The following RPS6KC1 variants were observed in gnomAD, a reference collection of about 807,000 sequenced individuals.
RPS6KC1 encodes the protein ribosomal protein S6 kinase C1, also known as inactive ribosomal protein S6 kinase delta-1.
RPS6KC1 carries 54 observed loss-of-function variants against 103.8 expected under a neutral mutation model. The observed-to-expected ratio is 0.52, with a 90% CI of 0.42 to 0.65. The LOEUF is 0.65. Ranked by LOEUF, RPS6KC1 falls within the 30% of genes least tolerant of loss-of-function variation. The pLI is 0.00. For missense variants in RPS6KC1, 1,151 were observed against 1,253.8 expected (o/e 0.92, Z 1.24); for synonymous variants, 439 against 438.7 (o/e 1.00, Z -0.01).
At chr1:213,561,066 G>C in the RPS6KC1 span, among the ~76,000 whole-genome samples, 2 of 152,214 alleles carry the variant, frequency 1.3e-5, no homozygotes, top group East Asian at 3.9e-4. Flanking sequence ...CAATGAAAGA[G>C]AGGTTAGTTG....
At chr1:213,822,799 C>T in the RPS6KC1 span, among the ~76,000 whole-genome samples, 2 of 152,194 alleles carry the variant, frequency 1.3e-5, no homozygotes, top group African/African-American at 4.8e-5. Context: ...TGTCTTTGCT[C>T]TTATCATCCT....
the RPS6KC1 span, among the ~76,000 whole-genome samples, chr1:213,496,150 A>G: frequency 6.6e-6 from 1 of 152,228 alleles, no homozygotes. Flanking sequence ...TGAAATATAT[A>G]ACAAATATTA....
intron 12 of RPS6KC1, among the ~76,000 whole-genome samples, chr1:213,252,756 C>T (rs1311970789): frequency 6.6e-6 from 1 of 152,064 alleles, no homozygotes; most frequent in Non-Finnish European, 1.5e-5. Context: ...TTATCTTTCA[C>T]CTTCTTCCCT....
At chr1:213,363,759 C>T in the RPS6KC1 span, among the ~76,000 whole-genome samples, 7 of 56,592 alleles carry the variant, frequency 1.2e-4, 1 homozygote, top group Admixed American at 6.4e-4. Context: ...CTCTTTCTCT[C>T]TTCTTTCTTT....
Position 213,062,213 on chromosome 1 carries a change from C to T in RPS6KC1, c.106-8793C>T, listed in dbSNP as rs1314441408. On this transcript the variant is annotated intron_variant, in intron 1 of 14. Coordinates refer to ENST00000366960, the MANE Select transcript of RPS6KC1 (RefSeq NM_012424.6). Reference sequence around the variant, plus strand: ...ATGATGCTACAGGTATAAAATTTCACACTTGACCTCATGTGATAGGTTGCA... The same window carrying T: ...ATGATGCTACAGGTATAAAATTTCATACTTGACCTCATGTGATAGGTTGCA... Among the ~76,000 whole-genome samples, 2 of 152,172 alleles carry T rather than the reference C, an allele frequency of 1.3e-5. 1 individual carries two copies. Among genetic ancestry groups the T allele is most frequent in the Admixed American group, 1.3e-4 (2 of 15,284 alleles).
the RPS6KC1 span, among the ~76,000 whole-genome samples, chr1:213,696,600 T>G: frequency 3.0e-4 from 46 of 152,074 alleles, no homozygotes; most frequent in Non-Finnish European, 6.0e-4. Flanking sequence ...GTCCAGTCTG[T>G]GACTTATTTA....
chr1:213,861,637 A>G, the RPS6KC1 span, among the ~76,000 whole-genome samples: 2 of 152,196 alleles, frequency 1.3e-5, no homozygotes, highest in African/African-American at 4.8e-5. Flanking sequence ...TTTACAGCTG[A>G]ATATGCATTT....
At chr1:213,673,416 A>G in the RPS6KC1 span, among the ~76,000 whole-genome samples, 37 of 152,260 alleles carry the variant, frequency 2.4e-4, no homozygotes, top group Admixed American at 3.9e-4. Context: ...TTTGTCAGCC[A>G]GATGTACAGA....
chr1:213,054,179 C>T (rs2077161096), intron 1 of RPS6KC1, among the ~76,000 whole-genome samples: 1 of 152,154 alleles, frequency 6.6e-6, no homozygotes, highest in East Asian at 1.9e-4. Context: ...ATTTACTGAG[C>T]TAAGTTTTGA....
chr1:213,649,242 C>T, the RPS6KC1 span, among the ~76,000 whole-genome samples: 4 of 143,130 alleles, frequency 2.8e-5, no homozygotes, highest in African/African-American at 7.9e-5. Context: ...CCTATGAGTA[C>T]GTTCAAGTCT....
chr1:213,581,028 G>T, the RPS6KC1 span, among the ~76,000 whole-genome samples: 2 of 152,028 alleles, frequency 1.3e-5, no homozygotes, highest in African/African-American at 4.8e-5. Flanking sequence ...AGGGACCTGA[G>T]CGTATTTTGT....
chr1:213,183,469 C>A (rs1309615833), intron 8 of RPS6KC1, among the ~76,000 whole-genome samples: 1 of 151,804 alleles, frequency 6.6e-6, no homozygotes, highest in Non-Finnish European at 1.5e-5. Context: ...ATGTCTGAAT[C>A]AAATTATTAA....
At chr1:213,814,632 C>T in the RPS6KC1 span, among the ~76,000 whole-genome samples, 2 of 152,182 alleles carry the variant, frequency 1.3e-5, no homozygotes, top group Non-Finnish European at 2.9e-5. Flanking sequence ...TGTCACTAAC[C>T]ATTCACTGAA....
chr1:213,523,587 C>T, the RPS6KC1 span, among the ~76,000 whole-genome samples: 1 of 152,172 alleles, frequency 6.6e-6, no homozygotes. Context: ...GCCCAGAACA[C>T]AGGGTCAATA....
the RPS6KC1 span, among the ~76,000 whole-genome samples, chr1:213,658,167 A>G: frequency 2.0e-5 from 3 of 152,228 alleles, no homozygotes; most frequent in African/African-American, 4.8e-5. Context: ...AGAGTCAGAT[A>G]TGAGTGGTGT....
At chr1:213,232,379 C>A in intron 10 of RPS6KC1, 124 bp downstream of exon 10, 1 of 1,208,500 alleles carries the variant, frequency 8.3e-7, no homozygotes, top group Non-Finnish European at 1.2e-6. Context: ...ATTTCCTATT[C>A]CTCTGCTCTA....
At chr1:213,639,057 C>G in the RPS6KC1 span, among the ~76,000 whole-genome samples, 1 of 152,074 alleles carries the variant, frequency 6.6e-6, no homozygotes, top group East Asian at 1.9e-4. Flanking sequence ...CATATATACT[C>G]TGTATATGTT....
chr1:213,664,631 A>G, the RPS6KC1 span, among the ~76,000 whole-genome samples: 1 of 152,170 alleles, frequency 6.6e-6, no homozygotes, highest in South Asian at 2.1e-4. Context: ...TTGTTTTTTA[A>G]TAAACCATAT....
chr1:213,847,826 C>T, the RPS6KC1 span, among the ~76,000 whole-genome samples: 5 of 152,118 alleles, frequency 3.3e-5, no homozygotes, highest in Middle Eastern at 3.2e-3. Flanking sequence ...GCTACCTCAG[C>T]CTCTTATGGA....
Sources: gnomAD v4.1 joint callset for allele counts (sites outside exome capture counted in the v4.1 genomes callset) on GRCh38, gnomAD v4.1.1 for gene constraint, MANE v1.5 for transcripts, NCBI Gene and HGNC (gene_info 2026-07-23, HGNC 2026-07-21) for gene names.